The following FER variants were observed in gnomAD, a reference collection of about 807,000 sequenced individuals.
FER encodes FER tyrosine kinase.
Under a neutral mutation model 111.0 loss-of-function variants are expected in FER, and 63 were observed. The observed-to-expected ratio is 0.57, with a 90% confidence interval of 0.46 to 0.70. The LOEUF (loss-of-function observed/expected upper bound fraction) is 0.70. Ranked by LOEUF, FER falls within the 30% of genes least tolerant of loss-of-function variation. The pLI is 0.00. For synonymous variants in FER, 327 were observed against 313.9 expected (o/e 1.04, Z -0.44); for missense variants, 914 against 954.0 (o/e 0.96, Z 0.55).
chr5:109,069,009 T>A (rs918803477), intron 16 of FER, among the ~76,000 whole-genome samples: 1 of 151,780 alleles, frequency 6.6e-6, no homozygotes, highest in African/African-American at 2.4e-5. Flanking sequence ...AATTAAAAAA[T>A]TAATCTGGGG....
At chr5:109,077,329 T>G (rs558018105) in intron 16 of FER, among the ~76,000 whole-genome samples, 116 of 152,302 alleles carry the variant, frequency 7.6e-4, no homozygotes, top group African/African-American at 2.7e-3. Flanking sequence ...TACCTTATTA[T>G]ATGAATTAAC....
intron 17 of FER, among the ~76,000 whole-genome samples, chr5:109,138,164 T>C (rs1347504400): frequency 6.6e-6 from 1 of 152,178 alleles, no homozygotes; most frequent in Non-Finnish European, 1.5e-5. Flanking sequence ...GATGAAGAAT[T>C]ACTCTCTCCA....
intron 1 of FER, among the ~76,000 whole-genome samples, chr5:108,754,077 A>G (rs1750798975): frequency 6.6e-6 from 1 of 152,144 alleles, no homozygotes; most frequent in Non-Finnish European, 1.5e-5. Context: ...TTATGGGTAT[A>G]AACTTGAATC....
At chr5:109,113,244 T>G (rs1749838351) in intron 17 of FER, among the ~76,000 whole-genome samples, 1 of 152,174 alleles carries the variant, frequency 6.6e-6, no homozygotes, top group Non-Finnish European at 1.5e-5. Flanking sequence ...TTTTCCTGCC[T>G]GATCTTGATC....
At chr5:108,825,028 C>G (rs1252183008) in intron 3 of FER, among the ~76,000 whole-genome samples, 2 of 151,998 alleles carry the variant, frequency 1.3e-5, no homozygotes, top group Non-Finnish European at 2.9e-5. Context: ...GGGTGACAGA[C>G]AAAAAGTACT....
Position 108,954,894 on chromosome 5 carries a change from G to C in FER, c.1495G>C (p.Asp499His). ...TGAATATGTCCTTTCTGTATATTCT[G>C]ATGGACAGAGGAGACATTTTATCAT... ...PGEYVLSVYSDGQRRHFIIQY... is the reference protein window; with the variant it reads ...PGEYVLSVYSHGQRRHFIIQY... The change falls in exon 12 of 20, where the codon GAT (aspartate) becomes CAT (histidine). Residue 499 changes from aspartate (D) to histidine (H), a missense_variant. By Grantham distance (81) the Asp-to-His change is moderately conservative. Coordinates refer to ENST00000281092, the MANE Select transcript of FER (RefSeq NM_005246.4). 7 of 1,610,586 alleles carry C rather than the reference G, an allele frequency of 4.3e-6. No homozygotes were observed. Among genetic ancestry groups the C allele is most frequent in the Non-Finnish European group, 5.9e-6 (7 of 1,178,636 alleles).
chr5:108,793,527 G>A (rs947704136), intron 2 of FER, among the ~76,000 whole-genome samples: 1 of 133,874 alleles, frequency 7.5e-6, no homozygotes, highest in Non-Finnish European at 1.6e-5. Context: ...GGCGGGGGGG[G>A]TGGTTATATA....
intron 12 of FER, among the ~76,000 whole-genome samples, chr5:108,957,152 C>T (rs955061646): frequency 2.0e-5 from 3 of 151,322 alleles, no homozygotes; most frequent in Non-Finnish European, 4.4e-5. Flanking sequence ...AGAGTTTTTG[C>T]GAGAATCAAA....
In FER at chr5:109,190,078, C is replaced by G. The variant is rs886469134; in HGVS notation, c.*2503C>G. The G allele has an allele frequency of 6.6e-6, 1 of 152,050 alleles. No homozygotes were observed. Among genetic ancestry groups the G allele is most frequent in the Non-Finnish European group, 1.5e-5 (1 of 67,990 alleles). The allele number at this position is 152,050 out of a possible 1,614,324, so 9.4% of individuals were successfully genotyped here. On this transcript the variant is annotated 3_prime_UTR_variant, in exon 20 of 20. Transcript: ENST00000281092. ...ATGCATTAAGAAAAACTTACGCAAA[C>G]AGTTTTTCACTGTTAATTTTGTTGT...
At chr5:109,019,804 TTAA>T (rs748061364) in intron 13 of FER, among the ~76,000 whole-genome samples, 43 of 151,974 alleles carry the variant, frequency 2.8e-4, no homozygotes, top group Non-Finnish European at 3.8e-4. Context: ...CTTTCCAAAC[TTAA>T]CCTATTTCTT....
intron 10 of FER, among the ~76,000 whole-genome samples, chr5:108,932,235 T>G (rs1022919733): frequency 6.6e-6 from 1 of 152,154 alleles, no homozygotes; most frequent in Non-Finnish European, 1.5e-5. Context: ...TGTGTTCTCA[T>G]TGTTCAACTC....
chr5:108,799,436 T>C (rs964216140), intron 3 of FER, among the ~76,000 whole-genome samples: 1 of 152,176 alleles, frequency 6.6e-6, no homozygotes, highest in African/African-American at 2.4e-5. Context: ...GTGTATATAG[T>C]GTGTTTGATC....
chr5:108,966,837 G>A (rs1360025381), intron 13 of FER, among the ~76,000 whole-genome samples: 2 of 152,080 alleles, frequency 1.3e-5, no homozygotes, highest in African/African-American at 2.4e-5. Context: ...CTTGTTGGAA[G>A]CCATAGAACA....
chr5:109,179,721 G>A (rs1758086866), intron 17 of FER, among the ~76,000 whole-genome samples: 1 of 151,958 alleles, frequency 6.6e-6, no homozygotes, highest in African/African-American at 2.4e-5. Flanking sequence ...AATGTATTAT[G>A]TATTATAAGT....
chr5:109,111,648 A>G (rs1408327942), intron 17 of FER, among the ~76,000 whole-genome samples: 2 of 152,166 alleles, frequency 1.3e-5, no homozygotes, highest in African/African-American at 2.4e-5. Flanking sequence ...CTTAACAGGA[A>G]GCATGACTGG....
chr5:108,796,982 C>G (rs914238877), intron 2 of FER, among the ~76,000 whole-genome samples: 1 of 151,764 alleles, frequency 6.6e-6, no homozygotes, highest in African/African-American at 2.4e-5. Flanking sequence ...TGTGCTGGGT[C>G]TCACCTGAGG....
chr5:108,866,674 A>G (rs1435631156), intron 5 of FER, among the ~76,000 whole-genome samples: 1 of 152,058 alleles, frequency 6.6e-6, no homozygotes, highest in Non-Finnish European at 1.5e-5. Context: ...TGCAAATAAA[A>G]TTTATTTACA....
intron 13 of FER, among the ~76,000 whole-genome samples, chr5:108,989,849 C>T (rs1326038661): frequency 2.6e-5 from 4 of 151,836 alleles, no homozygotes; most frequent in Non-Finnish European, 5.9e-5. Context: ...TATGATATAG[C>T]TAGACATTTA....
chr5:109,018,262 A>G (rs1767456292), intron 13 of FER, among the ~76,000 whole-genome samples: 1 of 151,852 alleles, frequency 6.6e-6, no homozygotes, highest in Non-Finnish European at 1.5e-5. Flanking sequence ...TATCAGTGAT[A>G]GTCATTGAGT....
Sources: gnomAD v4.1 joint callset for allele counts (sites outside exome capture counted in the v4.1 genomes callset) on GRCh38, gnomAD v4.1.1 for gene constraint, MANE v1.5 for transcripts, NCBI Gene and HGNC (gene_info 2026-07-23, HGNC 2026-07-21) for gene names.